The following PARVB variants were observed in gnomAD, a reference collection of about 807,000 sequenced individuals.
PARVB encodes the protein parvin beta.
In PARVB, 46 loss-of-function variants were observed where a neutral mutation model predicts 47.0. That is an observed-to-expected ratio of 0.98 (90% CI 0.77 to 1.25). PARVB has a LOEUF of 1.25. Ranked by LOEUF, PARVB falls within the 50% of genes most tolerant of loss-of-function variation. PARVB has a pLI of 0.00. For synonymous variants in PARVB, 196 were observed against 196.3 expected, an observed-to-expected ratio of 1.00 and a Z score of 0.01; for missense variants, 473 against 471.6, an observed-to-expected ratio of 1.00 and a Z score of -0.03.
At chr22:44,106,362 C>G (rs1449206159) in intron 3 of PARVB, 3 of 152,108 alleles carry the variant, frequency 2.0e-5, no homozygotes, top group African/African-American at 7.2e-5. Context: ...TCCAGAACAT[C>G]CTTTGTGTAC....
chr22:44,134,651 T>G (rs2053404549), intron 6 of PARVB, among the ~76,000 whole-genome samples: 1 of 152,282 alleles, frequency 6.6e-6, no homozygotes, highest in African/African-American at 2.4e-5. Context: ...AGAGCCGCCT[T>G]CTGTCTTCTC....
chr22:44,043,128 C>G (rs538312007), intron 1 of PARVB, among the ~76,000 whole-genome samples: 1 of 152,112 alleles, frequency 6.6e-6, no homozygotes, highest in Non-Finnish European at 1.5e-5. Context: ...GGAAAACAGG[C>G]TCAGTGAGGG....
chr22:44,073,775 CG>C (rs1569092847), intron 1 of PARVB, among the ~76,000 whole-genome samples: 1 of 152,250 alleles, frequency 6.6e-6, no homozygotes, highest in Non-Finnish European at 1.5e-5. Flanking sequence ...GCCAAGGCAG[CG>C]GTTCTGGGAC....
In PARVB at chr22:44,097,585, G is replaced by A. The variant is rs1268729906; in HGVS notation, c.203-2468G>A. On this transcript the variant is annotated intron_variant, in intron 2 of 12. Transcript: ENST00000338758. The stretch of plus-strand genomic sequence containing the variant: ...CTGCTCTGAATCAGGCCCCTGCCCC[G>A]TGAGACGCAGCTGCTCCCTGGTCTG... Among the ~76,000 whole-genome samples the A allele has an allele frequency of 3.9e-5, 6 of 152,208 alleles. No individual in the cohort carries two copies. In the East Asian group the frequency reaches 9.6e-4, roughly 24 times the overall value.
chr22:44,101,417 T>A (rs9680557), intron 3 of PARVB, among the ~76,000 whole-genome samples: 11,972 of 134,868 alleles, frequency 0.089, 1,582 homozygotes, highest in African/African-American at 0.34. Flanking sequence ...CAAAAAAAAA[T>A]AAAAAATAAA....
intron 12 of PARVB, among the ~76,000 whole-genome samples, chr22:44,165,633 G>T (rs566267591): frequency 1.3e-5 from 2 of 152,236 alleles, no homozygotes; most frequent in African/African-American, 4.8e-5. Flanking sequence ...GTTGAGGGGA[G>T]TGATGATGGC....
intron 1 of PARVB, among the ~76,000 whole-genome samples, chr22:44,025,949 G>C (rs2050721456): frequency 6.6e-6 from 1 of 152,198 alleles, no homozygotes; most frequent in South Asian, 2.1e-4. Context: ...TGAATACATA[G>C]ACAACTGGCG....
At chr22:44,140,392 A>C in intron 8 of PARVB, 2 of 724,960 alleles carry the variant, frequency 2.8e-6, no homozygotes, top group Non-Finnish European at 5.1e-6. Flanking sequence ...GTGACCAGCT[A>C]GGGGAGCAGG....
intron 4 of PARVB, among the ~76,000 whole-genome samples, chr22:44,129,096 A>G (rs542141898): frequency 4.6e-5 from 7 of 152,248 alleles, no homozygotes; most frequent in African/African-American, 1.7e-4. Flanking sequence ...TAAAAAAATT[A>G]AAAGAGGTAA....
chr22:44,065,562 G>A (rs2051502132), intron 1 of PARVB, among the ~76,000 whole-genome samples: 2 of 151,994 alleles, frequency 1.3e-5, no homozygotes, highest in South Asian at 4.2e-4. Flanking sequence ...TGAGATTTTG[G>A]TGCACCCATC....
rs750401173 is a variant in PARVB at position 44,168,633 on chromosome 22, G to A, written c.1050G>A (p.Leu350=). Residue 350 remains leucine (L), a synonymous_variant, in exon 13 of 13, where the codon CTG becomes CTA. Coordinates refer to ENST00000338758, the MANE Select transcript of PARVB (RefSeq NM_013327.5). The stretch of plus-strand genomic sequence containing the variant: ...TTAACTTGGACCTCAAATCCACCCT[G>A]AGGGTTCTTTACAACCTGTTCACCA... ...DVVNLDLKST[L]RVLYNLFTKY... 1 of 1,613,394 alleles carries A rather than the reference G, an allele frequency of 6.2e-7. No homozygotes were observed. The highest frequency in any genetic ancestry group is 1.1e-5 in the South Asian group (1 of 91,074).
chr22:44,024,468 GC>G lies in PARVB; in HGVS notation c.112+20del. The G allele has an allele frequency of 8.8e-7, 1 of 1,140,674 alleles. No homozygotes were observed. The allele number at this position is 1,140,674 out of a possible 1,614,324, so 70.7% of individuals were successfully genotyped here. A position where few individuals can be genotyped will look rare whatever the true frequency, so the allele number is the denominator to read the frequency against. ...CGCGCGAGGGTGAGTGCGCGCCCGC[GC>G]CCGCCGACCCCCGGGGACCTGCCCG... is the stretch of plus-strand genomic sequence containing the variant. On this transcript the variant is annotated intron_variant, in intron 1 of 12. Coordinates refer to ENST00000338758, the MANE Select transcript of PARVB (RefSeq NM_013327.5).
At chr22:44,008,045 T>C (rs556423936) in intron 2 of PARVB, among the ~76,000 whole-genome samples, 1 of 152,292 alleles carries the variant, frequency 6.6e-6, no homozygotes, top group East Asian at 1.9e-4. Flanking sequence ...TATCCCTTCA[T>C]GTGTCAGTGG....
intron 2 of PARVB, among the ~76,000 whole-genome samples, chr22:44,005,593 A>T (rs1438318705): frequency 2.0e-5 from 3 of 152,026 alleles, no homozygotes; most frequent in Non-Finnish European, 4.4e-5. Flanking sequence ...GCTGATTTGC[A>T]CTGATTTCCT....
chr22:44,071,003 C>A (rs1035227402), intron 1 of PARVB, among the ~76,000 whole-genome samples: 1 of 152,056 alleles, frequency 6.6e-6, no homozygotes, highest in African/African-American at 2.4e-5. Flanking sequence ...CCTGCCCGCC[C>A]GCCTTGGCCT....
chr22:44,168,769 G>A lies in PARVB; in HGVS notation c.*91G>A. On this transcript the variant is annotated 3_prime_UTR_variant, in exon 13 of 13. Transcript: ENST00000338758. ...GCCTTTCCAGGGAGCCAGGCGCCAT[G>A]GGCTTCTGGTCCAAGCTGTGTTGAC... is the stretch of plus-strand genomic sequence containing the variant. 1.1e-6 allele frequency: 1 copy of A among 870,772 alleles called. No individual in the cohort carries two copies. Among genetic ancestry groups the A allele is most frequent in the Non-Finnish European group, 1.9e-6 (1 of 518,452 alleles). The allele number at this position is 870,772 out of a possible 1,614,324, so 53.9% of individuals were successfully genotyped here.
chr22:44,097,684 T>C (rs2267608), intron 2 of PARVB, among the ~76,000 whole-genome samples: 83,738 of 152,060 alleles, frequency 0.55, 24,020 homozygotes, highest in East Asian at 0.88. Flanking sequence ...TCTGCAGACA[T>C]GGACACACTG....
rs1038159175 is a variant in PARVB, at chr22:44,172,637, C to A, written c.*3959C>A. Reference sequence around the variant, plus strand: ...CGTGGTGTCCTAATTGTCTTGGTGACAAAGAGCAATTTTATTTTAAAGCAA... The same window carrying A: ...CGTGGTGTCCTAATTGTCTTGGTGAAAAAGAGCAATTTTATTTTAAAGCAA... On this transcript the variant is annotated 3_prime_UTR_variant, in exon 13 of 13. Transcript: ENST00000338758. The A allele has an allele frequency of 1.2e-5, 3 of 241,010 alleles. No homozygotes were observed. Among genetic ancestry groups the A allele is most frequent in the Admixed American group, 1.1e-4 (2 of 19,036 alleles). 14.9% of individuals were successfully genotyped at this position (241,010 alleles called of 1,614,324 possible). A position where few individuals can be genotyped will look rare whatever the true frequency, so the allele number is the denominator to read the frequency against.
intron 1 of PARVB, chr22:44,039,807 G>C: frequency 2.2e-6 from 1 of 453,290 alleles, no homozygotes; most frequent in Middle Eastern, 5.6e-4. Flanking sequence ...CACACTGTGT[G>C]ATTTCATTTC....
Sources: gnomAD v4.1 joint callset for allele counts (sites outside exome capture counted in the v4.1 genomes callset) on GRCh38, gnomAD v4.1.1 for gene constraint, MANE v1.5 for transcripts, NCBI Gene and HGNC (gene_info 2026-07-23, HGNC 2026-07-21) for gene names.